The following PON3 variants were observed in gnomAD, a reference collection of about 807,000 sequenced individuals.
PON3 encodes the protein paraoxonase 3.
Under a neutral mutation model 36.3 loss-of-function variants are expected in PON3, and 37 were observed. That is an observed-to-expected ratio of 1.02 (90% CI 0.78 to 1.34). PON3 has a LOEUF of 1.34. PON3 is among the 40% of genes most tolerant of loss of function. The pLI is 0.00. For missense variants in PON3, 415 were observed against 426.5 expected, an observed-to-expected ratio of 0.97 and a Z score of 0.24; for synonymous variants, 155 against 154.8, an observed-to-expected ratio of 1.00 and a Z score of -0.01.
At chr7:95,368,771 T>TTG (rs1378849544) in intron 4 of PON3, among the ~76,000 whole-genome samples, 1 of 150,588 alleles carries the variant, frequency 6.6e-6, no homozygotes, top group Non-Finnish European at 1.5e-5. Context: ...ATGACTGTTA[T>TTG]TGTATAAACA....
chr7:95,377,048 A>T (rs1161064910), intron 3 of PON3, among the ~76,000 whole-genome samples: 1 of 152,220 alleles, frequency 6.6e-6, no homozygotes, highest in African/African-American at 2.4e-5. Context: ...CTGCCCAAAT[A>T]CTGTGCTTTT....
At chr7:95,389,214 A>T (rs774069251) in intron 3 of PON3, among the ~76,000 whole-genome samples, 5 of 152,208 alleles carry the variant, frequency 3.3e-5, no homozygotes, top group Non-Finnish European at 7.3e-5. Flanking sequence ...CACACAGACT[A>T]GCACCAGTTC....
At chr7:95,368,336 A>G (rs1169494219) in intron 4 of PON3, among the ~76,000 whole-genome samples, 1 of 152,202 alleles carries the variant, frequency 6.6e-6, no homozygotes, top group Admixed American at 6.5e-5. Context: ...CCTGAGATGC[A>G]AAATTCATAA....
At chr7:95,368,406 C>T (rs1808742431) in intron 4 of PON3, among the ~76,000 whole-genome samples, 1 of 152,220 alleles carries the variant, frequency 6.6e-6, no homozygotes, top group African/African-American at 2.4e-5. Flanking sequence ...TGCTTGCTCA[C>T]AGAGGAAATC....
intron 2 of PON3, 64 bp downstream of exon 2, chr7:95,394,580 C>G (rs971250235): frequency 1.4e-5 from 20 of 1,424,268 alleles, no homozygotes; most frequent in Non-Finnish European, 1.9e-5. Context: ...GCTGGTAGGG[C>G]TCAGTCAGGT....
intron 8 of PON3, among the ~76,000 whole-genome samples, chr7:95,361,929 T>G (rs1464477506): frequency 1.3e-5 from 2 of 152,148 alleles, no homozygotes; most frequent in Non-Finnish European, 2.9e-5. Flanking sequence ...ATCGTATATG[T>G]TAGAACTTAC....
intron 3 of PON3, among the ~76,000 whole-genome samples, chr7:95,375,782 A>G (rs1043809573): frequency 2.0e-5 from 3 of 152,272 alleles, no homozygotes; most frequent in Non-Finnish European, 4.4e-5. Context: ...GCAGTTAGGT[A>G]GGAATTTGTG....
intron 3 of PON3, among the ~76,000 whole-genome samples, chr7:95,386,334 T>A (rs951037870): frequency 2.0e-5 from 3 of 152,028 alleles, no homozygotes; most frequent in African/African-American, 7.2e-5. Context: ...CAAACTACCA[T>A]CAGAGAATAC....
chr7:95,388,913 G>A (rs941085621), intron 3 of PON3, among the ~76,000 whole-genome samples: 8 of 152,102 alleles, frequency 5.3e-5, no homozygotes, highest in Non-Finnish European at 1.0e-4. Context: ...CACAGGGCAG[G>A]GAACAGCACA....
At chr7:95,376,700 AG>A (rs573586824) in intron 3 of PON3, among the ~76,000 whole-genome samples, 219 of 152,358 alleles carry the variant, frequency 1.4e-3, no homozygotes, top group Non-Finnish European at 1.9e-3. Flanking sequence ...ACAACAGTAA[AG>A]AAATTTCCTA....
intron 2 of PON3, 80 bp downstream of exon 2, chr7:95,394,564 A>G: frequency 2.3e-6 from 3 of 1,283,076 alleles, no homozygotes; most frequent in Non-Finnish European, 3.4e-6. Flanking sequence ...ACAGGTAATT[A>G]AATGAGCTGG....
intron 3 of PON3, among the ~76,000 whole-genome samples, chr7:95,380,304 TC>T (rs1809017752): frequency 6.6e-6 from 1 of 152,238 alleles, no homozygotes; most frequent in African/African-American, 2.4e-5. Flanking sequence ...CCTCTCCTCC[TC>T]CAAACGAATG....
At chr7:95,390,881 G>A (rs569122504) in intron 2 of PON3, among the ~76,000 whole-genome samples, 3 of 152,218 alleles carry the variant, frequency 2.0e-5, no homozygotes, top group Admixed American at 6.5e-5. Flanking sequence ...ACGCCTGCAC[G>A]ACAGGCCCCA....
chr7:95,364,319 T>C, intron 5 of PON3: 1 of 516,260 alleles, frequency 1.9e-6, no homozygotes, highest in Non-Finnish European at 3.5e-6. Flanking sequence ...CACAAATAAA[T>C]CTCAAACCCC....
chr7:95,381,849 A>C (rs113763085), intron 3 of PON3, among the ~76,000 whole-genome samples: 4,247 of 152,274 alleles, frequency 0.028, 114 homozygotes, highest in African/African-American at 0.068. Flanking sequence ...TGCACCAAGC[A>C]GACCTAATAG....
chr7:95,371,724 A>T (rs988840158), intron 4 of PON3, among the ~76,000 whole-genome samples: 9 of 152,174 alleles, frequency 5.9e-5, no homozygotes, highest in African/African-American at 1.9e-4. Flanking sequence ...TACAAATACT[A>T]TCTCTCATTC....
At chr7:95,373,981 G>A (rs1808864014) in intron 3 of PON3, among the ~76,000 whole-genome samples, 1 of 152,092 alleles carries the variant, frequency 6.6e-6, no homozygotes, top group Non-Finnish European at 1.5e-5. Flanking sequence ...TCTCATAGGA[G>A]TGCAAACCCT....
intron 3 of PON3, 90 bp downstream of exon 3, chr7:95,390,064 G>T: frequency 7.6e-7 from 1 of 1,313,252 alleles, no homozygotes; most frequent in Non-Finnish European, 1.1e-6. Flanking sequence ...GAGAGCATAG[G>T]GATCCATCTG....
At chr7:95,388,368 G>C (rs182843507) in intron 3 of PON3, among the ~76,000 whole-genome samples, 40 of 152,330 alleles carry the variant, frequency 2.6e-4, no homozygotes, top group Non-Finnish European at 5.0e-4. Context: ...TCAGAGAAAT[G>C]TAAATGAAAA....
Sources: allele counts gnomAD v4.1 joint callset (sites outside exome capture counted in the v4.1 genomes callset), GRCh38; gene constraint gnomAD v4.1.1; transcripts MANE v1.5; gene names NCBI Gene and HGNC (gene_info 2026-07-23, HGNC 2026-07-21).